IQCE: variants seen among roughly 807,000 people sequenced by gnomAD.
IQCE encodes IQ domain-containing protein E.
In IQCE, 115 loss-of-function variants were observed where a neutral mutation model predicts 96.0. The observed-to-expected ratio is 1.20, with a 90% CI of 1.03 to 1.40. The LOEUF (loss-of-function observed/expected upper bound fraction) is 1.40. IQCE is among the 40% of genes most tolerant of loss of function. The pLI, the probability that IQCE is intolerant of heterozygous loss-of-function variation, is 0.00. For synonymous variants in IQCE, 412 were observed against 371.2 expected (o/e 1.11, Z -1.26); for missense variants, 1,041 against 909.1 (o/e 1.15, Z -1.87).
At chr7:2,609,976 G>A in intron 21 of IQCE, 68 bp from the exon 22 acceptor site, 1 of 860,854 alleles carries the variant, frequency 1.2e-6, no homozygotes. Flanking sequence ...GACAGTGTAA[G>A]GGTGTCCGTG....
chr7:2,566,942 T>C (rs951373101), intron 1 of IQCE, among the ~76,000 whole-genome samples, 174 bp from the exon 2 acceptor site: 2 of 152,232 alleles, frequency 1.3e-5, no homozygotes, highest in African/African-American at 4.8e-5. Flanking sequence ...TTCCTTCTGA[T>C]GAGACTGAGG....
intron 9 of IQCE, among the ~76,000 whole-genome samples, chr7:2,582,988 G>A (rs1000626844): frequency 3.3e-5 from 5 of 151,894 alleles, no homozygotes; most frequent in African/African-American, 4.8e-5. Flanking sequence ...CCTGACTTTC[G>A]AGTGCGAAGG....
chr7:2,586,780 A>T (rs1182571202), intron 12 of IQCE, among the ~76,000 whole-genome samples: 1 of 152,152 alleles, frequency 6.6e-6, no homozygotes, highest in Non-Finnish European at 1.5e-5. Flanking sequence ...GGGGCGAGAT[A>T]GCCATGAAGA....
At chr7:2,565,276 G>A (rs1781291536) in intron 1 of IQCE, among the ~76,000 whole-genome samples, 1 of 151,892 alleles carries the variant, frequency 6.6e-6, no homozygotes, top group African/African-American at 2.4e-5. Context: ...TGTGCGCTGT[G>A]TATGATTGTA....
Position 2,604,903 on chromosome 7 carries a change from C to G in IQCE, c.1655C>G (p.Ala552Gly), listed in dbSNP as rs201863435. 1,422 of 1,613,606 alleles carry G rather than the reference C, an allele frequency of 8.8e-4. 1 individual carries two copies. The highest frequency in any genetic ancestry group is 1.1e-3 in the Non-Finnish European group (1,318 of 1,179,928). The change falls in exon 19 of 22, where the codon GCT (alanine) becomes GGT (glycine). Residue 552 changes from alanine to glycine, a missense_variant. Coordinates refer to ENST00000402050, the MANE Select transcript of IQCE (RefSeq NM_152558.5). ...LDEAAVVLQAAFRGHLTRTKL... is the reference protein window; with the variant it reads ...LDEAAVVLQAGFRGHLTRTKL... ...CAGGCGGCTGTGGTGCTTCAGGCAG[C>G]TTTCAGGGGACATCTCACGCGGACA...
At chr7:2,607,667 G>A in intron 21 of IQCE, 5 of 545,816 alleles carry the variant, frequency 9.2e-6, no homozygotes, top group Non-Finnish European at 1.1e-5. Context: ...GAGCTGACGG[G>A]GATGCCCCAG....
chr7:2,584,740 T>C, intron 11 of IQCE: 1 of 170,796 alleles, frequency 5.9e-6, no homozygotes, highest in Non-Finnish European at 1.3e-5. Context: ...TCTGGGTGGC[T>C]GATCTCTGAT....
chr7:2,604,390 C>T (rs1183942095), intron 18 of IQCE, among the ~76,000 whole-genome samples: 1 of 152,170 alleles, frequency 6.6e-6, no homozygotes, highest in African/African-American at 2.4e-5. Context: ...GGATTACAGG[C>T]ATGAACCACT....
intron 11 of IQCE, among the ~76,000 whole-genome samples, chr7:2,585,948 TATA>T (rs1454615742): frequency 6.6e-6 from 1 of 152,234 alleles, no homozygotes; most frequent in Non-Finnish European, 1.5e-5. Context: ...GCATGGAAAG[TATA>T]ATACTGATGG....
At chr7:2,608,269 G>T (rs568545476) in intron 21 of IQCE, among the ~76,000 whole-genome samples, 1 of 152,326 alleles carries the variant, frequency 6.6e-6, no homozygotes, top group East Asian at 1.9e-4. Flanking sequence ...GTGCTGACGC[G>T]GAGTCACGGA....
intron 19 of IQCE, 54 bp downstream of exon 19, chr7:2,605,045 G>A (rs56246161): frequency 0.13 from 169,513 of 1,263,524 alleles, 11,736 homozygotes; most frequent in African/African-American, 0.2. Context: ...TGCTCGTCTC[G>A]CACTCCATCC....
intron 3 of IQCE, among the ~76,000 whole-genome samples, chr7:2,569,529 C>A (rs1158984020): frequency 6.6e-6 from 1 of 152,168 alleles, no homozygotes; most frequent in Non-Finnish European, 1.5e-5. Flanking sequence ...TGCCACCCTG[C>A]TTGTCCAGGA....
At chr7:2,572,503 C>T (rs573135374) in intron 5 of IQCE, among the ~76,000 whole-genome samples, 177 bp downstream of exon 5, 1 of 152,204 alleles carries the variant, frequency 6.6e-6, no homozygotes. Context: ...CTCACAAAAA[C>T]CCGCCTGCCC....
intron 1 of IQCE, among the ~76,000 whole-genome samples, chr7:2,561,058 A>G (rs1780915124): frequency 6.7e-6 from 1 of 149,794 alleles, no homozygotes; most frequent in African/African-American, 2.5e-5. Context: ...CCCAGGTTCA[A>G]AGGATTCTCC....
intron 14 of IQCE, among the ~76,000 whole-genome samples, 195 bp from the exon 15 acceptor site, chr7:2,592,827 G>A (rs1431003189): frequency 2.0e-5 from 3 of 152,214 alleles, no homozygotes; most frequent in East Asian, 1.9e-4. Context: ...GCAGGTGCTC[G>A]GTTCAGGGCA....
In IQCE at chr7:2,565,200, C is replaced by T. The variant is rs1356080410; in HGVS notation, c.37-1916C>T. Among the ~76,000 whole-genome samples, 3 of 147,242 alleles carry T rather than the reference C, an allele frequency of 2.0e-5. 1 individual carries two copies. The highest frequency in any genetic ancestry group is 4.3e-4 in the South Asian group (2 of 4,662). ...CTGACTGCAGTCATGGATCCTTGGACTGTTGTGTGATTTTAGGTGCGTGCA... is the reference window on the plus strand; with the variant it reads ...CTGACTGCAGTCATGGATCCTTGGATTGTTGTGTGATTTTAGGTGCGTGCA... On this transcript the variant is annotated intron_variant, in intron 1 of 21. Transcript: ENST00000402050.
chr7:2,598,062 C>T (rs137979984), intron 16 of IQCE: 142 of 160,772 alleles, frequency 8.8e-4, no homozygotes, highest in Non-Finnish European at 1.3e-3. Flanking sequence ...CCAGAAATCC[C>T]ATGTTTATAA....
At chr7:2,591,475 A>G (rs1417807710) in intron 14 of IQCE, among the ~76,000 whole-genome samples, 1 of 152,076 alleles carries the variant, frequency 6.6e-6, no homozygotes. Flanking sequence ...TCTAGTTTGC[A>G]AGAACTACAG....
Position 2,607,224 on chromosome 7 carries a change from C to T in IQCE, c.1966C>T (p.Pro656Ser), listed in dbSNP as rs1784903041. 1.9e-6 allele frequency: 3 copies of T among 1,613,778 alleles called. No individual in the cohort carries two copies. Among genetic ancestry groups the T allele is most frequent in the South Asian group, 2.2e-5 (2 of 91,018 alleles). Reference sequence around the variant, plus strand: ...CTCCCCACCCTTCCTCGCAGCTCTTCCTGGTAATTTCATTCATTTGGATTC... The same window carrying T: ...CTCCCCACCCTTCCTCGCAGCTCTTTCTGGTAATTTCATTCATTTGGATTC... ...ASSPPFLAAL[P>S]DPSPSGPQAL... Residue 656 changes from proline to serine, a missense_variant, in exon 21 of 22, where the codon CCT (proline) becomes TCT (serine). By Grantham distance (74) the Pro-to-Ser change is moderately conservative. Transcript: ENST00000402050.
Sources: gnomAD v4.1 joint callset for allele counts (sites outside exome capture counted in the v4.1 genomes callset) on GRCh38, gnomAD v4.1.1 for gene constraint, MANE v1.5 for transcripts, NCBI Gene and HGNC (gene_info 2026-07-23, HGNC 2026-07-21) for gene names.